DENND1A: variants seen among roughly 807,000 people sequenced by gnomAD.
The protein encoded by DENND1A is DENN domain-containing protein 1A.
In DENND1A, 51 loss-of-function variants were observed where a neutral mutation model predicts 113.7. That is an observed-to-expected ratio of 0.45 (90% CI 0.36 to 0.57). DENND1A has a LOEUF of 0.57. Ranked by LOEUF, DENND1A falls within the 20% of genes least tolerant of loss-of-function variation. DENND1A has a pLI of 0.00. For missense variants in DENND1A, 1,258 were observed against 1,395.9 expected, an observed-to-expected ratio of 0.90 and a Z score of 1.57; for synonymous variants, 565 against 570.8, an observed-to-expected ratio of 0.99 and a Z score of 0.14.
At chr9:123,627,846 C>T (rs1466569815) in intron 10 of DENND1A, among the ~76,000 whole-genome samples, 2 of 151,834 alleles carry the variant, frequency 1.3e-5, no homozygotes, top group African/African-American at 2.4e-5. Context: ...CCAGAGGGGG[C>T]TGAGTGAGCT....
chr9:123,444,543 ATT>A (rs1239049444), intron 18 of DENND1A, among the ~76,000 whole-genome samples: 1 of 152,184 alleles, frequency 6.6e-6, no homozygotes, highest in Non-Finnish European at 1.5e-5. Context: ...AATCCCAGCT[ATT>A]TGGGAGGCTG....
intron 2 of DENND1A, among the ~76,000 whole-genome samples, chr9:123,842,430 C>T (rs1003725877): frequency 1.3e-5 from 2 of 151,846 alleles, no homozygotes; most frequent in African/African-American, 2.4e-5. Context: ...ATTAATGTTA[C>T]AGCTCTTTCA....
chr9:123,558,372 A>C (rs1020099538), intron 12 of DENND1A, among the ~76,000 whole-genome samples: 4 of 152,144 alleles, frequency 2.6e-5, no homozygotes, highest in African/African-American at 4.8e-5. Flanking sequence ...CACACATCAT[A>C]CTCTAAAGGA....
chr9:123,583,973 GC>G (rs2059044490), intron 11 of DENND1A, among the ~76,000 whole-genome samples: 1 of 152,194 alleles, frequency 6.6e-6, no homozygotes, highest in African/African-American at 2.4e-5. Context: ...AAAGAATCCT[GC>G]CCCCAATCTG....
chr9:123,746,910 CAA>C (rs940217831), intron 5 of DENND1A, among the ~76,000 whole-genome samples: 19 of 151,996 alleles, frequency 1.3e-4, no homozygotes, highest in Non-Finnish European at 2.8e-4. Context: ...AAATTTTCTC[CAA>C]AGTTGGTATC....
intron 13 of DENND1A, among the ~76,000 whole-genome samples, chr9:123,494,261 G>A (rs949992228): frequency 6.6e-6 from 1 of 152,234 alleles, no homozygotes; most frequent in Admixed American, 6.5e-5. Context: ...ACCTGGAGCA[G>A]TGCGAAGCAT....
intron 22 of DENND1A, 69 bp downstream of exon 22, chr9:123,387,661 C>A (rs558191946): frequency 3.1e-6 from 4 of 1,273,320 alleles, no homozygotes; most frequent in East Asian, 5.7e-5. Context: ...ACCAGCCCCC[C>A]GCTTTCGCCA....
chr9:123,569,002 G>C (rs905953606), intron 12 of DENND1A, among the ~76,000 whole-genome samples: 1 of 152,130 alleles, frequency 6.6e-6, no homozygotes, highest in African/African-American at 2.4e-5. Flanking sequence ...TTTAAGGCAG[G>C]GCAAAGACCT....
chr9:123,576,396 A>C (rs2136497096), intron 12 of DENND1A, among the ~76,000 whole-genome samples: 1 of 152,330 alleles, frequency 6.6e-6, no homozygotes, highest in African/African-American at 2.4e-5. Flanking sequence ...CTTACAATTC[A>C]GATTTCCCTA....
In DENND1A at chr9:123,790,801, T is replaced by C. The variant is rs551484607; in HGVS notation, c.132+1786A>G. The stretch of plus-strand genomic sequence containing the variant: ...CAAGAATAGTACATGTGTATGCATA[T>C]ACGTACACATACACTCTCCTTAAAC... On this transcript the variant is annotated intron_variant, in intron 3 of 23. Coordinates refer to ENST00000394215, the MANE Select transcript of DENND1A (RefSeq NM_001352964.2). Among the ~76,000 whole-genome samples the C allele has an allele frequency of 9.2e-5, 14 of 152,288 alleles. No individual in the cohort carries two copies. The South Asian group carries it at 2.9e-3, about 32-fold the overall frequency.
At chr9:123,855,981 G>A (rs1419087542) in intron 2 of DENND1A, among the ~76,000 whole-genome samples, 1 of 152,108 alleles carries the variant, frequency 6.6e-6, no homozygotes, top group Non-Finnish European at 1.5e-5. Flanking sequence ...AGGTTGCATT[G>A]AGCCGAGATC....
At chr9:123,629,861 AAAAAC>A (rs1280209815) in intron 10 of DENND1A, among the ~76,000 whole-genome samples, 1 of 152,236 alleles carries the variant, frequency 6.6e-6, no homozygotes, top group African/African-American at 2.4e-5. Context: ...TGTCTTAGGA[AAAAAC>A]AAACAAACAA....
At chr9:123,680,678 T>G (rs1475995140) in intron 5 of DENND1A, among the ~76,000 whole-genome samples, 2 of 152,224 alleles carry the variant, frequency 1.3e-5, no homozygotes, top group Non-Finnish European at 2.9e-5. Context: ...ACTGGTGAGT[T>G]TGTGTACACG....
chr9:123,663,852 A>C (rs117642095), intron 8 of DENND1A, among the ~76,000 whole-genome samples: 6,296 of 151,970 alleles, frequency 0.041, 171 homozygotes, highest in Non-Finnish European at 0.058. Context: ...TTAACAACAA[A>C]AAAAAAAAAC....
chr9:123,823,543 G>A (rs1002005679), intron 2 of DENND1A, among the ~76,000 whole-genome samples: 2 of 152,190 alleles, frequency 1.3e-5, no homozygotes, highest in Non-Finnish European at 1.5e-5. Context: ...GACTTCATTC[G>A]GGTATAAAAG....
intron 7 of DENND1A, among the ~76,000 whole-genome samples, chr9:123,668,888 T>TGAGATACCAACTTCTATAC (rs1384920290): frequency 4.6e-5 from 7 of 152,074 alleles, no homozygotes; most frequent in Non-Finnish European, 1.0e-4. Context: ...TATGACTCCA[T>TGAGATACCAACTTCTATAC]GAGATACCAA....
At chr9:123,653,322 T>C (rs550845594) in intron 8 of DENND1A, among the ~76,000 whole-genome samples, 1 of 152,298 alleles carries the variant, frequency 6.6e-6, no homozygotes, top group East Asian at 1.9e-4. Flanking sequence ...TACCAGACAC[T>C]GTGGATGTGT....
chr9:123,439,455 C>T (rs1161990654), intron 19 of DENND1A, among the ~76,000 whole-genome samples: 1 of 152,150 alleles, frequency 6.6e-6, no homozygotes, highest in Non-Finnish European at 1.5e-5. Context: ...TAGTAGGCAC[C>T]TGATAAAGGT....
chr9:123,784,355 C>G (rs923234698), intron 3 of DENND1A, among the ~76,000 whole-genome samples: 1 of 152,162 alleles, frequency 6.6e-6, no homozygotes, highest in Non-Finnish European at 1.5e-5. Flanking sequence ...TGTAGCGTCA[C>G]TGGCTTGTAG....
Sources: gnomAD v4.1 joint callset for allele counts (sites outside exome capture counted in the v4.1 genomes callset) on GRCh38, gnomAD v4.1.1 for gene constraint, MANE v1.5 for transcripts, NCBI Gene and HGNC (gene_info 2026-07-23, HGNC 2026-07-21) for gene names.